Variants in XPC observed in about 807,000 individuals in gnomAD.
The protein encoded by XPC is XPC complex subunit, DNA damage recognition and repair factor.
A neutral mutation model predicts 95.8 loss-of-function variants in XPC; 76 were observed. That is an observed-to-expected ratio of 0.79 (90% CI 0.66 to 0.96). XPC has a LOEUF of 0.96. XPC is among the 40% of genes least tolerant of loss of function. The pLI is 0.00. For synonymous variants in XPC, 442 were observed against 442.1 expected (o/e 1.00, Z 0.00); for missense variants, 1,146 against 1,179.8 (o/e 0.97, Z 0.42).
intron 11 of XPC, chr3:14,149,916 C>G (rs149454769): frequency 8.5e-5 from 13 of 152,346 alleles, no homozygotes; most frequent in African/African-American, 3.1e-4. Context: ...ACACTTTCAT[C>G]CACTAGCCTA....
In XPC at chr3:14,158,183, G is replaced by A; in HGVS notation, c.1700C>T (p.Thr567Ile). ...GTCACTGTCAATGCCCACCACATAG[G>A]TCATGGGCTTGGTGGCGTACTTGTA... The part of the protein sequence containing the change: ...TCYKYATKPM[T>I]YVVGIDSDGW... Residue 567 changes from threonine (T) to isoleucine (I), a missense_variant, in exon 9 of 16, where the codon ACC becomes ATC. Thr to Ile is a moderately conservative substitution (Grantham distance 89). Transcript: ENST00000285021. The surrounding 1 kb of genome is among the most constrained non-coding windows in gnomAD (Gnocchi z 5.2). 1 of 1,613,896 alleles carries A rather than the reference G, an allele frequency of 6.2e-7. No individual in the cohort carries two copies. Among genetic ancestry groups the A allele is most frequent in the Non-Finnish European group, 8.5e-7 (1 of 1,179,870 alleles).
chr3:14,175,201 C>G (rs1161291611), intron 1 of XPC, among the ~76,000 whole-genome samples: 1 of 152,078 alleles, frequency 6.6e-6, no homozygotes, highest in Non-Finnish European at 1.5e-5. Context: ...TTCTCTCTGC[C>G]TAGAACTCTT....
chr3:14,169,932 G>T (rs1345575555), intron 3 of XPC, among the ~76,000 whole-genome samples: 3 of 152,232 alleles, frequency 2.0e-5, no homozygotes, highest in African/African-American at 4.8e-5. Flanking sequence ...GGTATTTACT[G>T]TGAGTGTATG....
intron 9 of XPC, among the ~76,000 whole-genome samples, chr3:14,156,703 C>T (rs776637363): frequency 1.3e-5 from 2 of 152,232 alleles, no homozygotes; most frequent in Non-Finnish European, 2.9e-5. Context: ...TCAAATAAAT[C>T]TGTGGCTTGT....
chr3:14,165,542 T>G lies in XPC; in HGVS notation c.665A>C (p.Asn222Thr). ...ATGCAGATCTGGCTGGCTGCAGATG[T>G]TATTTCGATAGAAGCCATTTGCTAG... ...CLLANGFYRN[N>T]ICSQPDLHAI... The change falls in exon 6 of 16, where the codon AAC (asparagine) becomes ACC (threonine). Residue 222 changes from asparagine to threonine, a missense_variant. Asn to Thr is a moderately conservative substitution (Grantham distance 65). Coordinates refer to ENST00000285021, the MANE Select transcript of XPC (RefSeq NM_004628.5). 6.2e-7 allele frequency: 1 copy of G among 1,612,740 alleles called. No individual in the cohort carries two copies. The highest frequency in any genetic ancestry group is 2.2e-5 in the East Asian group (1 of 44,846).
Position 14,147,785 on chromosome 3 carries a change from A to C in XPC, c.2514+123T>G. The C allele has an allele frequency of 3.5e-6, 3 of 851,260 alleles. No individual in the cohort carries two copies. In the South Asian group the frequency reaches 4.9e-5, roughly 14 times the overall value. 52.7% of individuals were successfully genotyped at this position (851,260 alleles called of 1,614,324 possible). Reference sequence around the variant, plus strand: ...GTGCTCGCTCCCTCGGGTGCCTGCCATGATGTCAGAGAGGGCTGGGAAGAG... The same window carrying C: ...GTGCTCGCTCCCTCGGGTGCCTGCCCTGATGTCAGAGAGGGCTGGGAAGAG... On this transcript the variant is annotated intron_variant, in intron 14 of 15. Transcript: ENST00000285021.
Position 14,145,808 on chromosome 3 carries a change from C to CGTGCATGCTGCCTCA in XPC, c.*118_*132dup. 8.7e-7 allele frequency: 1 copy of CGTGCATGCTGCCTCA among 1,145,258 alleles called. No individual in the cohort carries two copies. Among genetic ancestry groups the CGTGCATGCTGCCTCA allele is most frequent in the Non-Finnish European group, 1.3e-6 (1 of 787,010 alleles). 70.9% of individuals were successfully genotyped at this position (1,145,258 alleles called of 1,614,324 possible). On this transcript the variant is annotated 3_prime_UTR_variant, in exon 16 of 16. Transcript: ENST00000285021. The stretch of plus-strand genomic sequence containing the variant: ...GCCTCGTCTCCCCTGACCCCGCCTC[C>CGTGCATGCTGCCTCA]GTGCATGCTGCCTCAGTTTGCCTTC...
intron 2 of XPC, among the ~76,000 whole-genome samples, chr3:14,171,826 C>T (rs376063098): frequency 6.6e-6 from 1 of 151,580 alleles, no homozygotes; most frequent in Non-Finnish European, 1.5e-5. Context: ...CCATTAAGGA[C>T]GGGACCGGGA....
Position 14,178,465 on chromosome 3 carries a change from CCCT to C in XPC, c.101_103del (p.Glu34del), listed in dbSNP as rs750450365. 447 of 1,556,160 alleles carry C rather than the reference CCCT, an allele frequency of 2.9e-4. No homozygotes were observed. The highest frequency in any genetic ancestry group is 4.7e-4 in the Admixed American group (27 of 57,208). On this transcript the variant is annotated inframe_deletion and splice_region_variant, in exon 1 of 16. Coordinates refer to ENST00000285021, the MANE Select transcript of XPC (RefSeq NM_004628.5). ...CGAAGCCCGCTGGGCCTCGCTCTCA[CCCT>C]CCTCCTCCTCCTCACGCCGGGCCTT...
chr3:14,154,439 C>A (rs78804891), intron 10 of XPC, among the ~76,000 whole-genome samples: 2,567 of 152,284 alleles, frequency 0.017, 72 homozygotes, highest in African/African-American at 0.059. Context: ...AAAATGTGGT[C>A]CACCCACACA....
chr3:14,158,521 A>G lies in XPC; in HGVS notation c.1362T>C (p.Asp454=), dbSNP rs3731128. The change falls in exon 9 of 16, where the codon GAT becomes GAC. Residue 454 remains aspartate (D), a synonymous_variant. Transcript: ENST00000285021. This position sits in a 1 kb window ranked among gnomAD's most constrained non-coding sequence, Gnocchi z 5.2. ...CAGGTTCGGAATCCTCATCAGAGGG[A>G]TCAGAGGCTTCTCCACTGGAGAGCT... The part of the protein sequence containing the change: ...DFELSSGEAS[D]PSDEDSEPGP... 1.8e-3 allele frequency: 2,969 copies of G among 1,612,842 alleles called. 51 individuals carry two copies. In the African/African-American group the frequency reaches 0.034, roughly 18 times the overall value.
At chr3:14,160,933 A>T (rs1394558745) in intron 7 of XPC, among the ~76,000 whole-genome samples, 1 of 152,226 alleles carries the variant, frequency 6.6e-6, no homozygotes, top group Non-Finnish European at 1.5e-5. Flanking sequence ...AAAGAGGATT[A>T]GACAAGATAA....
Position 14,148,930 on chromosome 3 carries a change from T to G in XPC, c.2134A>C (p.Asn712His). 1 of 1,613,992 alleles carries G rather than the reference T, an allele frequency of 6.2e-7. No individual in the cohort carries two copies. Among genetic ancestry groups the G allele is most frequent in the Non-Finnish European group, 8.5e-7 (1 of 1,179,894 alleles). ...GCAAGTCGGGCTTTCCGAGCACGGT[T>G]AGAAAAGCCTTTCACCATCTGCACC... is the stretch of plus-strand genomic sequence containing the variant. ...VPYKMVKGFS[N>H]RARKARLAEP... Residue 712 changes from asparagine to histidine, a missense_variant, in exon 12 of 16, where the codon AAC becomes CAC. Physicochemically the swap from Asn to His is moderately conservative, Grantham distance 68. Coordinates refer to ENST00000285021, the MANE Select transcript of XPC (RefSeq NM_004628.5).
intron 1 of XPC, among the ~76,000 whole-genome samples, chr3:14,173,671 GT>G (rs1696701235): frequency 6.6e-6 from 1 of 152,024 alleles, no homozygotes; most frequent in Non-Finnish European, 1.5e-5. Context: ...TTATTTTTTT[GT>G]TAAAGGGAAA....
In XPC at chr3:14,147,459, G is replaced by A. The variant is rs957023880; in HGVS notation, c.2515-80C>T. 8.1e-6 allele frequency: 11 copies of A among 1,365,680 alleles called. No individual in the cohort carries two copies. In the South Asian group the frequency reaches 1.3e-4, roughly 16 times the overall value. 84.6% of individuals were successfully genotyped at this position (1,365,680 alleles called of 1,614,324 possible). On this transcript the variant is annotated intron_variant, in intron 14 of 15. Transcript: ENST00000285021. ...AAATATTAAGATGGAAACTGTGAATGTAAAGACAGATATATACACCACTTT... is the reference window on the plus strand; with the variant it reads ...AAATATTAAGATGGAAACTGTGAATATAAAGACAGATATATACACCACTTT...
At chr3:14,149,822 T>C (rs1164942095) in intron 11 of XPC, 1 of 152,228 alleles carries the variant, frequency 6.6e-6, no homozygotes, top group African/African-American at 2.4e-5. Flanking sequence ...GTAGGTCTTA[T>C]TATTGTTTCC....
intron 2 of XPC, among the ~76,000 whole-genome samples, chr3:14,171,509 G>A (rs1356432796): frequency 6.6e-6 from 1 of 152,154 alleles, no homozygotes; most frequent in East Asian, 1.9e-4. Flanking sequence ...CTAGTGAGGG[G>A]AGGCAACTGG....
intron 1 of XPC, among the ~76,000 whole-genome samples, chr3:14,175,486 C>T (rs1559385922): frequency 6.6e-6 from 1 of 152,108 alleles, no homozygotes; most frequent in Admixed American, 6.5e-5. Flanking sequence ...ACCCCTCCCC[C>T]CAGATTATAA....
At chr3:14,168,053 C>T (rs1311656398) in intron 4 of XPC, among the ~76,000 whole-genome samples, 1 of 152,160 alleles carries the variant, frequency 6.6e-6, no homozygotes, top group East Asian at 1.9e-4. Context: ...CAGGAGTTCC[C>T]TCTCCTCATC....
Sources: allele counts gnomAD v4.1 joint callset (sites outside exome capture counted in the v4.1 genomes callset), GRCh38; gene constraint gnomAD v4.1.1; non-coding constraint Gnocchi (gnomAD v3.1); transcripts MANE v1.5; gene names NCBI Gene and HGNC (gene_info 2026-07-23, HGNC 2026-07-21).